The following MAZ variants were observed in gnomAD, a reference collection of about 807,000 sequenced individuals.
MAZ encodes the protein myc-associated zinc finger protein.
MAZ carries 4 observed loss-of-function variants against 32.7 expected under a neutral mutation model. The ratio of observed to expected loss-of-function variants is 0.12; its 90% CI spans 0.06 to 0.28. The LOEUF (loss-of-function observed/expected upper bound fraction) is 0.28, where lower values mean the gene tolerates loss of function less well. Among genes scored for constraint, MAZ ranks in the 10% least tolerant of loss-of-function variants. The probability of loss-of-function intolerance (pLI) is 1.00; values close to 1 mark genes in which losing one functional copy is unlikely to be tolerated. For missense variants in MAZ, 763 were observed against 667.2 expected (o/e 1.14, Z -1.58); for synonymous variants, 510 against 297.6 (o/e 1.71, Z -7.35).
At position 29,807,190 on chromosome 16, in the gene MAZ, G is replaced by T; in HGVS notation, c.405G>T (p.Pro135=). Residue 135 remains proline, a synonymous_variant, in exon 2 of 5, where the codon CCG becomes CCT. Transcript: ENST00000322945. The part of the protein sequence containing the change: ...AALKQPPAPP[P]PPPPVSAPAA... ...TGAAGCAGCCTCCGGCGCCCCCTCC[G>T]CCACCCCCGCCAGTGTCGGCGCCCG... 8.8e-7 allele frequency: 1 copy of T among 1,141,196 alleles called. No homozygotes were observed. Among genetic ancestry groups the T allele is most frequent in the Non-Finnish European group, 1.1e-6 (1 of 910,618 alleles). The allele number at this position is 1,141,196 out of a possible 1,614,324, so 70.7% of individuals were successfully genotyped here.
rs1315406008 is a variant in MAZ at position 29,806,593 on chromosome 16, C to G, written c.-109C>G. On this transcript the variant is annotated 5_prime_UTR_variant, in exon 1 of 5. Transcript: ENST00000322945. Reference sequence around the variant, plus strand: ...CGGGGCGGCCCGCGGGCCATGCGTTCGGCGCGGCCCAGCCCGGCCGGCCGG... The same window carrying G: ...CGGGGCGGCCCGCGGGCCATGCGTTGGGCGCGGCCCAGCCCGGCCGGCCGG... 4 of 966,326 alleles carry G rather than the reference C, an allele frequency of 4.1e-6. No homozygotes were observed. Among genetic ancestry groups the G allele is most frequent in the Admixed American group, 6.5e-5 (1 of 15,456 alleles). 59.9% of individuals were successfully genotyped at this position (966,326 alleles called of 1,614,324 possible).
Position 29,807,185 on chromosome 16 carries a change from C to G in MAZ, c.400C>G (p.Pro134Ala). 8.7e-7 allele frequency: 1 copy of G among 1,146,506 alleles called. No homozygotes were observed. The highest frequency in any genetic ancestry group is 1.1e-6 in the Non-Finnish European group (1 of 914,988). The allele number at this position is 1,146,506 out of a possible 1,614,324, so 71.0% of individuals were successfully genotyped here. A position where few individuals can be genotyped will look rare whatever the true frequency, so the allele number is the denominator to read the frequency against. Residue 134 changes from proline to alanine, a missense_variant, in exon 2 of 5, where the codon CCT becomes GCT. Coordinates refer to ENST00000322945, the MANE Select transcript of MAZ (RefSeq NM_002383.4). ...GGCCCTGAAGCAGCCTCCGGCGCCC[C>G]CTCCGCCACCCCCGCCAGTGTCGGC... ...TAALKQPPAP[P>A]PPPPPVSAPA...
Position 29,807,023 on chromosome 16 carries a change from C to A in MAZ, c.238C>A (p.Pro80Thr), listed in dbSNP as rs988520613. ...PPTPQAPAAE[P>T]LQVDLLPVLA... ...CACGCCCCAGGCCCCGGCGGCCGAG[C>A]CCCTCCAGGTGGACTTGCTCCCGGT... Residue 80 changes from proline to threonine, a missense_variant, in exon 2 of 5, where the codon CCC becomes ACC. Transcript: ENST00000322945. The A allele has an allele frequency of 2.0e-6, 2 of 1,006,948 alleles. No individual in the cohort carries two copies. Among genetic ancestry groups the A allele is most frequent in the Middle Eastern group, 4.9e-4 (1 of 2,024 alleles). The allele number at this position is 1,006,948 out of a possible 1,614,324, so 62.4% of individuals were successfully genotyped here.
chr16:29,809,883 G>A (rs1279515953), intron 4 of MAZ, 194 bp from the exon 5 acceptor site: 9 of 1,080,466 alleles, frequency 8.3e-6, no homozygotes, highest in African/African-American at 4.7e-5. Context: ...TCAGGCTAGG[G>A]AGACTTCTGG....
At chr16:29,809,772 G>A in intron 4 of MAZ, 10 of 1,358,700 alleles carry the variant, frequency 7.4e-6, no homozygotes, top group Non-Finnish European at 8.7e-6. Flanking sequence ...CAGGCAAGGC[G>A]TGGGGCATGG....
At chr16:29,808,420 C>A in intron 3 of MAZ, 127 bp downstream of exon 3, 1 of 1,074,122 alleles carries the variant, frequency 9.3e-7, no homozygotes, top group Non-Finnish European at 1.4e-6. Flanking sequence ...TTTTCTCATC[C>A]CTTCTTCAAG....
At position 29,811,084 on chromosome 16, in the gene MAZ, C is replaced by T. The variant is rs781262586; in HGVS notation, c.*853C>T. 4 of 454,698 alleles carry T rather than the reference C, an allele frequency of 8.8e-6. No individual in the cohort carries two copies. Among genetic ancestry groups the T allele is most frequent in the South Asian group, 6.2e-5 (4 of 64,142 alleles). 28.2% of individuals were successfully genotyped at this position (454,698 alleles called of 1,614,324 possible). ...TGGCCCTGGCCATGTCATCGTGTTC[C>T]TGTGTCCCCTGCATGTACCCCACCC... On this transcript the variant is annotated 3_prime_UTR_variant, in exon 5 of 5. Coordinates refer to ENST00000322945, the MANE Select transcript of MAZ (RefSeq NM_002383.4).
In MAZ at chr16:29,807,676, C is replaced by T. The variant is rs372232010; in HGVS notation, c.891C>T (p.His297=). Residue 297 remains histidine (H), a synonymous_variant, in exon 2 of 5, where the codon CAC becomes CAT. Transcript: ENST00000322945. ...GCGACGTCTACCACCTGAACCGACA[C>T]AAGCTGTCGCACTCGGACGAGAAGC... ...AFRDVYHLNR[H]KLSHSDEKPY... The T allele has an allele frequency of 1.2e-6, 2 of 1,612,962 alleles. No individual in the cohort carries two copies. The highest frequency in any genetic ancestry group is 1.1e-5 in the South Asian group (1 of 91,092).
In MAZ at chr16:29,806,767, G is replaced by T. The variant is rs777635969; in HGVS notation, c.66G>T (p.Arg22=). 3 of 1,434,454 alleles carry T rather than the reference G, an allele frequency of 2.1e-6. No homozygotes were observed. Among genetic ancestry groups the T allele is most frequent in the East Asian group, 3.0e-5 (1 of 33,622 alleles). 88.9% of individuals were successfully genotyped at this position (1,434,454 alleles called of 1,614,324 possible). ...PPFPVLGLDS[R]GVGGLMNSFP... ...TCCCCGTGCTGGGCCTGGACTCCCG[G>T]GGGGTGGGCGGCCTCATGAACTCCT... is the stretch of plus-strand genomic sequence containing the variant. Residue 22 remains arginine, a synonymous_variant, in exon 1 of 5, where the codon CGG becomes CGT. Coordinates refer to ENST00000322945, the MANE Select transcript of MAZ (RefSeq NM_002383.4).
Position 29,808,309 on chromosome 16 carries a change from CCTCCTGTCTT to C in MAZ, c.1107+17_1107+26del. The C allele has an allele frequency of 3.1e-6, 5 of 1,611,820 alleles. No individual in the cohort carries two copies. Among genetic ancestry groups the C allele is most frequent in the Non-Finnish European group, 4.2e-6 (5 of 1,177,948 alleles). On this transcript the variant is annotated intron_variant, in intron 3 of 4. Transcript: ENST00000322945. ...CAAATGTGAGGTAGGAAGCCCGCCT[CCTCCTGTCTT>C]GGTTTTCATGATTTTGATCCTCATG...
chr16:29,808,937 G>C, intron 4 of MAZ, 196 bp downstream of exon 4: 1 of 595,712 alleles, frequency 1.7e-6, no homozygotes, highest in Non-Finnish European at 2.9e-6. Flanking sequence ...TGGAAGAGAT[G>C]ATCTGCCAGA....
chr16:29,810,284 C>A lies in MAZ; in HGVS notation c.*53C>A. 6.6e-7 allele frequency: 1 copy of A among 1,506,670 alleles called. No homozygotes were observed. Among genetic ancestry groups the A allele is most frequent in the African/African-American group, 1.4e-5 (1 of 72,216 alleles). 93.3% of individuals were successfully genotyped at this position (1,506,670 alleles called of 1,614,324 possible). A position where few individuals can be genotyped will look rare whatever the true frequency, so the allele number is the denominator to read the frequency against. On this transcript the variant is annotated 3_prime_UTR_variant, in exon 5 of 5. Coordinates refer to ENST00000322945, the MANE Select transcript of MAZ (RefSeq NM_002383.4). ...GAGAATGGAGTAGAGTCCCTTGGTACAAGCTCCTCTCCCCCCTCTTTTCCC... is the reference window on the plus strand; with the variant it reads ...GAGAATGGAGTAGAGTCCCTTGGTAAAAGCTCCTCTCCCCCCTCTTTTCCC...
At chr16:29,808,103 T>C in intron 2 of MAZ, 127 bp from the exon 3 acceptor site, 1 of 1,002,746 alleles carries the variant, frequency 1.0e-6, no homozygotes, top group Admixed American at 2.1e-5. Flanking sequence ...ATTTCCTGCT[T>C]AAGTGTCGCT....
rs762886662 is a variant in MAZ, at chr16:29,806,757, T to G, written c.56T>G (p.Leu19Arg). The change falls in exon 1 of 5, where the codon CTG becomes CGG. Residue 19 changes from leucine to arginine, a missense_variant. Leu to Arg is a moderately radical substitution (Grantham distance 102, BLOSUM62 -2). Transcript: ENST00000322945. ...GCCCCCCCCTTCCCCGTGCTGGGCCTGGACTCCCGGGGGGTGGGCGGCCTC... is the reference window on the plus strand; with the variant it reads ...GCCCCCCCCTTCCCCGTGCTGGGCCGGGACTCCCGGGGGGTGGGCGGCCTC... The part of the protein sequence containing the change: ...LLAPPFPVLG[L>R]DSRGVGGLMN... The G allele has an allele frequency of 7.0e-7, 1 of 1,430,080 alleles. No homozygotes were observed. The highest frequency in any genetic ancestry group is 1.3e-5 in the South Asian group (1 of 74,842). 88.6% of individuals were successfully genotyped at this position (1,430,080 alleles called of 1,614,324 possible).
upstream of MAZ, chr16:29,806,268 C>G: frequency 4.7e-6 from 1 of 214,794 alleles, no homozygotes; most frequent in East Asian, 7.5e-5. Context: ...CTCCGCGCGC[C>G]CGGTGCGCGC....
At position 29,811,090 on chromosome 16, in the gene MAZ, CCCCTGCATGTACCCCA is replaced by C. The variant is rs1567376190; in HGVS notation, c.*864_*879del. 1 of 454,062 alleles carries C rather than the reference CCCCTGCATGTACCCCA, an allele frequency of 2.2e-6. No individual in the cohort carries two copies. Among genetic ancestry groups the C allele is most frequent in the Non-Finnish European group, 4.4e-6 (1 of 225,906 alleles). The allele number at this position is 454,062 out of a possible 1,614,324, so 28.1% of individuals were successfully genotyped here. A position where few individuals can be genotyped will look rare whatever the true frequency, so the allele number is the denominator to read the frequency against. ...TGGCCATGTCATCGTGTTCCTGTGT[CCCCTGCATGTACCCCA>C]CCCTCCACCCCTTCCTTTTGCGCGG... On this transcript the variant is annotated 3_prime_UTR_variant, in exon 5 of 5. Coordinates refer to ENST00000322945, the MANE Select transcript of MAZ (RefSeq NM_002383.4).
rs536032245 is a variant in MAZ at position 29,807,214 on chromosome 16, C to T, written c.429C>T (p.Pro143=). 61 of 1,245,462 alleles carry T rather than the reference C, an allele frequency of 4.9e-5. 2 individuals are homozygous for T. In the South Asian group the frequency reaches 1.4e-3, roughly 28 times the overall value. 77.2% of individuals were successfully genotyped at this position (1,245,462 alleles called of 1,614,324 possible). A position where few individuals can be genotyped will look rare whatever the true frequency, so the allele number is the denominator to read the frequency against. Residue 143 remains proline (P), a synonymous_variant, in exon 2 of 5, where the codon CCC becomes CCT. Transcript: ENST00000322945. ...PPPPPPPVSA[P]AAEAAPPASA... is the part of the protein sequence containing the mutation. ...CGCCACCCCCGCCAGTGTCGGCGCC[C>T]GCGGCCGAGGCCGCGCCCCCCGCCT...
upstream of MAZ, chr16:29,806,251 AC>A (rs1235676293): frequency 2.7e-4 from 27 of 101,248 alleles, no homozygotes; most frequent in Admixed American, 1.2e-3. Context: ...CTCCCGTCCC[AC>A]CCCCCCTCCG....
rs1318492503 is a variant in MAZ, at chr16:29,806,787, A to G, written c.86A>G (p.Asn29Ser). The G allele has an allele frequency of 7.0e-7, 1 of 1,427,688 alleles. No homozygotes were observed. The highest frequency in any genetic ancestry group is 1.9e-4 in the Middle Eastern group (1 of 5,340). The allele number at this position is 1,427,688 out of a possible 1,614,324, so 88.4% of individuals were successfully genotyped here. ...LDSRGVGGLM[N>S]SFPPPQGHAQ... ...TCCCGGGGGGTGGGCGGCCTCATGA[A>G]CTCCTTCCCGCCACCTCAGGGTCAC... Residue 29 changes from asparagine to serine, a missense_variant, in exon 1 of 5, where the codon AAC (asparagine) becomes AGC (serine). Transcript: ENST00000322945.
Sources: allele counts gnomAD v4.1 joint callset, GRCh38; gene constraint gnomAD v4.1.1; transcripts MANE v1.5; gene names NCBI Gene and HGNC (gene_info 2026-07-23, HGNC 2026-07-21).